The following ABCB5 variants were observed in gnomAD, a reference collection of about 807,000 sequenced individuals.
The protein encoded by ABCB5 is ATP binding cassette subfamily B member 5.
Under a neutral mutation model 144.2 loss-of-function variants are expected in ABCB5, and 155 were observed. That is an observed-to-expected ratio of 1.08 (90% CI 0.94 to 1.23). The LOEUF (loss-of-function observed/expected upper bound fraction) is 1.23, where lower values mean the gene tolerates loss of function less well. Among genes scored for constraint, ABCB5 ranks in the 50% most tolerant of loss-of-function variants. ABCB5 has a pLI of 0.00. For missense variants in ABCB5, 1,830 were observed against 1,520.8 expected (o/e 1.20, Z -3.38); for synonymous variants, 610 against 528.6 (o/e 1.15, Z -2.11).
chr7:20,637,382 T>C (rs911706265), intron 5 of ABCB5, among the ~76,000 whole-genome samples: 5 of 152,100 alleles, frequency 3.3e-5, no homozygotes, highest in Non-Finnish European at 7.4e-5. Context: ...CTGGTCAATA[T>C]GATGCCTCCT....
At chr7:20,725,230 G>T (rs183684522) in intron 21 of ABCB5, among the ~76,000 whole-genome samples, 1 of 152,058 alleles carries the variant, frequency 6.6e-6, no homozygotes, top group African/African-American at 2.4e-5. Context: ...AAAATGTATC[G>T]GTCCTTCTTC....
At position 20,728,235 on chromosome 7, in the gene ABCB5, T is replaced by C. The variant is rs1782098638; in HGVS notation, c.2727-80T>C. ...CAAATTATAACATTTCAAAGTCCTC[T>C]CTATTTATTACTCTACATGTATTCA... On this transcript the variant is annotated intron_variant, in intron 22 of 27. Coordinates refer to ENST00000404938, the MANE Select transcript of ABCB5 (RefSeq NM_001163941.2). 24 of 1,436,490 alleles carry C rather than the reference T, an allele frequency of 1.7e-5. 1 individual carries two copies. In the South Asian group the frequency reaches 3.7e-4, roughly 22 times the overall value. 89.0% of individuals were successfully genotyped at this position (1,436,490 alleles called of 1,614,324 possible).
At chr7:20,662,957 A>T (rs1019453843) in intron 14 of ABCB5, among the ~76,000 whole-genome samples, 2 of 152,196 alleles carry the variant, frequency 1.3e-5, no homozygotes, top group Non-Finnish European at 2.9e-5. Context: ...TAACAAAGGA[A>T]CAAATGGATG....
intron 5 of ABCB5, among the ~76,000 whole-genome samples, chr7:20,634,689 A>G (rs1235970334): frequency 2.6e-5 from 4 of 152,074 alleles, no homozygotes; most frequent in African/African-American, 9.7e-5. Context: ...GGACATTTGT[A>G]TGGCTCCTTT....
chr7:20,626,224 G>C (rs555584282), intron 2 of ABCB5, among the ~76,000 whole-genome samples: 2 of 151,998 alleles, frequency 1.3e-5, no homozygotes, highest in Non-Finnish European at 2.9e-5. Context: ...GAGTTCTGTG[G>C]GTAAATCAAA....
Position 20,645,961 on chromosome 7 carries a change from G to T in ABCB5, c.804G>T (p.Arg268Ser), listed in dbSNP as rs763570730. 1.2e-6 allele frequency: 2 copies of T among 1,613,364 alleles called. No individual in the cohort carries two copies. The highest frequency in any genetic ancestry group is 1.7e-6 in the Non-Finnish European group (2 of 1,179,664). The change falls in exon 9 of 28, where the codon AGG (arginine) becomes AGT (serine). Residue 268 changes from arginine to serine, a missense_variant and splice_region_variant. Transcript: ENST00000404938. ...CTAAGTTGTGTTCTGTTTTTGTAAG[G>T]TATACACAGAATCTCAAAGATGCAA... ...AFRAQEKELQ[R>S]YTQNLKDAKD...
At chr7:20,655,089 G>A (rs1784731735) in intron 13 of ABCB5, among the ~76,000 whole-genome samples, 1 of 118,022 alleles carries the variant, frequency 8.5e-6, no homozygotes, top group Admixed American at 8.8e-5. Flanking sequence ...TGAAAAAAGA[G>A]AGAGAGAGAG....
intron 20 of ABCB5, among the ~76,000 whole-genome samples, chr7:20,718,451 T>C (rs1781759280): frequency 6.6e-6 from 1 of 152,214 alleles, no homozygotes. Context: ...GATCTTAGTT[T>C]TCAGTATTTC....
At chr7:20,676,702 G>A (rs1273362428) in intron 14 of ABCB5, among the ~76,000 whole-genome samples, 2 of 152,140 alleles carry the variant, frequency 1.3e-5, no homozygotes, top group Non-Finnish European at 2.9e-5. Flanking sequence ...TGGCAATATT[G>A]TATTGTATTG....
At chr7:20,658,254 C>T (rs1784875565) in intron 13 of ABCB5, among the ~76,000 whole-genome samples, 1 of 150,942 alleles carries the variant, frequency 6.6e-6, no homozygotes, top group African/African-American at 2.4e-5. Context: ...TTTCTAAATA[C>T]ATTTGATTAT....
At chr7:20,696,024 A>G (rs570131688) in intron 16 of ABCB5, among the ~76,000 whole-genome samples, 12 of 152,180 alleles carry the variant, frequency 7.9e-5, no homozygotes, top group Admixed American at 5.9e-4. Flanking sequence ...AAAAAGTGAA[A>G]CATTCACCTA....
At chr7:20,698,993 A>C (rs949436567) in intron 17 of ABCB5, among the ~76,000 whole-genome samples, 1 of 152,244 alleles carries the variant, frequency 6.6e-6, no homozygotes, top group Non-Finnish European at 1.5e-5. Flanking sequence ...TACAAGATCC[A>C]TGCTTACTCT....
In ABCB5 at chr7:20,628,845, A is replaced by C. The variant is rs771447030; in HGVS notation, c.259+7A>C. The C allele has an allele frequency of 3.1e-6, 5 of 1,612,980 alleles. No individual in the cohort carries two copies. The highest frequency in any genetic ancestry group is 1.1e-5 in the South Asian group (1 of 90,924). On this transcript the variant is annotated splice_region_variant and intron_variant, in intron 4 of 27. Transcript: ENST00000404938. ...CTAGTCCAAACTAACACAAGTGAGTATACGATTATTTTTCTGTATCACTTA... is the reference window on the plus strand; with the variant it reads ...CTAGTCCAAACTAACACAAGTGAGTCTACGATTATTTTTCTGTATCACTTA...
intron 20 of ABCB5, among the ~76,000 whole-genome samples, chr7:20,709,989 C>T (rs1377634797): frequency 3.4e-5 from 5 of 147,792 alleles, no homozygotes; most frequent in East Asian, 2.0e-4. Flanking sequence ...GGAAGAGAAT[C>T]GCTTGAACCC....
intron 20 of ABCB5, among the ~76,000 whole-genome samples, chr7:20,715,965 C>T (rs1781663351): frequency 2.6e-5 from 4 of 151,912 alleles, no homozygotes; most frequent in Admixed American, 1.3e-4. Context: ...GGTGATCCTC[C>T]CACCTCGGCC....
intron 19 of ABCB5, 112 bp from the exon 20 acceptor site, chr7:20,704,612 T>A (rs1171406718): frequency 1.5e-6 from 1 of 680,022 alleles, no homozygotes; most frequent in East Asian, 2.8e-5. Flanking sequence ...AGGAATTAAG[T>A]ACCTGTGAGT....
chr7:20,674,597 A>T (rs868454676), intron 14 of ABCB5, among the ~76,000 whole-genome samples: 2 of 151,912 alleles, frequency 1.3e-5, no homozygotes, highest in African/African-American at 4.8e-5. Flanking sequence ...ACACACAAAA[A>T]CACCTATAGT....
chr7:20,710,381 A>AAAAAAG (rs1242291728), intron 20 of ABCB5, among the ~76,000 whole-genome samples: 1 of 56,730 alleles, frequency 1.8e-5, no homozygotes, highest in Non-Finnish European at 3.1e-5. Context: ...AAAAAAAAAA[A>AAAAAAG]GTGGGGGGGG....
At chr7:20,654,473 G>C (rs528999646) in intron 13 of ABCB5, among the ~76,000 whole-genome samples, 1 of 152,246 alleles carries the variant, frequency 6.6e-6, no homozygotes, top group South Asian at 2.1e-4. Context: ...TAAGAATATA[G>C]ATGAACAATA....
Sources: allele counts gnomAD v4.1 joint callset (sites outside exome capture counted in the v4.1 genomes callset), GRCh38; gene constraint gnomAD v4.1.1; transcripts MANE v1.5; gene names NCBI Gene and HGNC (gene_info 2026-07-23, HGNC 2026-07-21).